The following SLC35F3 variants were observed in gnomAD, a reference collection of about 807,000 sequenced individuals.
SLC35F3 encodes solute carrier family 35 member F3, also known as putative thiamine transporter SLC35F3.
A neutral mutation model predicts 49.9 loss-of-function variants in SLC35F3; 25 were observed. The ratio of observed to expected loss-of-function variants is 0.50; its 90% CI spans 0.37 to 0.70. The LOEUF (loss-of-function observed/expected upper bound fraction) is 0.70. SLC35F3 is among the 30% of genes least tolerant of loss of function. The pLI, the probability that SLC35F3 is intolerant of heterozygous loss-of-function variation, is 0.00. For missense variants in SLC35F3, 525 were observed against 639.8 expected (o/e 0.82, Z 1.94); for synonymous variants, 275 against 265.4 (o/e 1.04, Z -0.35).
intron 2 of SLC35F3, among the ~76,000 whole-genome samples, chr1:234,070,080 G>A (rs1664689965): frequency 6.6e-6 from 1 of 152,170 alleles, no homozygotes; most frequent in African/African-American, 2.4e-5. Flanking sequence ...AACGTGCAGA[G>A]CCAAAGAAGC....
intron 2 of SLC35F3, among the ~76,000 whole-genome samples, chr1:234,065,033 T>C (rs982649675): frequency 6.6e-6 from 1 of 152,188 alleles, no homozygotes; most frequent in Non-Finnish European, 1.5e-5. Context: ...ATGACTATGA[T>C]AAGAGAAAGA....
intron 2 of SLC35F3, among the ~76,000 whole-genome samples, chr1:233,979,708 G>A (rs79239892): frequency 0.03 from 4,585 of 152,246 alleles, 218 homozygotes; most frequent in African/African-American, 0.1. Context: ...CTTGCTCCTG[G>A]GGTTAATGCA....
At chr1:234,108,223 G>GAT (rs1300297290) in intron 2 of SLC35F3, among the ~76,000 whole-genome samples, 3 of 118,056 alleles carry the variant, frequency 2.5e-5, no homozygotes, top group Non-Finnish European at 3.3e-5. Flanking sequence ...ATATATAAAA[G>GAT]ATATATATAT....
intron 3 of SLC35F3, among the ~76,000 whole-genome samples, chr1:234,296,438 T>G (rs1668594655): frequency 6.6e-6 from 1 of 152,224 alleles, no homozygotes; most frequent in African/African-American, 2.4e-5. Flanking sequence ...AAGAGTGGTT[T>G]CTGATATGGA....
chr1:234,002,011 C>T (rs560142281), intron 2 of SLC35F3, among the ~76,000 whole-genome samples: 1 of 152,184 alleles, frequency 6.6e-6, no homozygotes, highest in Non-Finnish European at 1.5e-5. Flanking sequence ...ACTGACTCAC[C>T]CTGTAGGAGG....
chr1:233,918,277 A>C (rs1465131659), intron 2 of SLC35F3, among the ~76,000 whole-genome samples: 1 of 152,192 alleles, frequency 6.6e-6, no homozygotes, highest in Non-Finnish European at 1.5e-5. Context: ...TGAGGGAGGT[A>C]GCTTAGGCTG....
Position 234,231,529 on chromosome 1 carries a change from CAAG to C in SLC35F3, c.401_403del (p.Lys134del), listed in dbSNP as rs752105696. 1.7e-5 allele frequency: 27 copies of C among 1,613,914 alleles called. No homozygotes were observed. Among genetic ancestry groups the C allele is most frequent in the African/African-American group, 2.7e-5 (2 of 74,930 alleles). On this transcript the variant is annotated inframe_deletion, in exon 3 of 8. Coordinates refer to ENST00000366618, the MANE Select transcript of SLC35F3 (RefSeq NM_173508.4). The surrounding 1 kb of genome is among the most constrained non-coding windows in gnomAD (Gnocchi z 5.4). ...GCTGGACGTGCTCCCGGGCGCAACT[CAAG>C]AAGATCTTCTGGGGCGTGGCGGTCG...
intron 2 of SLC35F3, among the ~76,000 whole-genome samples, chr1:234,047,389 G>C (rs1216074295): frequency 6.6e-6 from 1 of 152,158 alleles, no homozygotes; most frequent in African/African-American, 2.4e-5. Context: ...TTCAGTGTGG[G>C]TGGACCCCAT....
At chr1:234,178,730 C>G (rs1280954077) in intron 2 of SLC35F3, among the ~76,000 whole-genome samples, 1 of 151,406 alleles carries the variant, frequency 6.6e-6, no homozygotes, top group Non-Finnish European at 1.5e-5. Context: ...CAGCATCCCC[C>G]ATTGGTGTGC....
At chr1:234,103,489 C>G (rs1665241984) in intron 2 of SLC35F3, among the ~76,000 whole-genome samples, 3 of 152,066 alleles carry the variant, frequency 2.0e-5, no homozygotes, top group African/African-American at 7.2e-5. Context: ...TCTGGGACAG[C>G]AAAGCATAAA....
chr1:234,069,976 C>A (rs1475892501), intron 2 of SLC35F3, among the ~76,000 whole-genome samples: 1 of 152,140 alleles, frequency 6.6e-6, no homozygotes, highest in African/African-American at 2.4e-5. Flanking sequence ...GGAGACAGCA[C>A]CACCTTGTGC....
chr1:234,108,769 ATATCTTT>A (rs1185062846), intron 2 of SLC35F3, among the ~76,000 whole-genome samples: 25 of 97,310 alleles, frequency 2.6e-4, no homozygotes, highest in African/African-American at 1.0e-3. Flanking sequence ...ATAAATATAT[ATATCTTT>A]TATATATAAA....
At chr1:234,156,666 G>A (rs967060381) in intron 2 of SLC35F3, among the ~76,000 whole-genome samples, 26 of 152,126 alleles carry the variant, frequency 1.7e-4, no homozygotes, top group African/African-American at 5.8e-4. Flanking sequence ...TCTTGTATAG[G>A]AGTGTTCAGA....
intron 2 of SLC35F3, among the ~76,000 whole-genome samples, chr1:234,052,195 G>GA (rs1474773694): frequency 1.3e-5 from 2 of 152,058 alleles, no homozygotes; most frequent in East Asian, 3.9e-4. Context: ...CTATTGATTG[G>GA]AAGTTTCAGA....
chr1:233,927,380 A>G (rs992803083), intron 2 of SLC35F3, among the ~76,000 whole-genome samples: 1 of 152,178 alleles, frequency 6.6e-6, no homozygotes, highest in African/African-American at 2.4e-5. Context: ...CATTTGTATC[A>G]TCTAATTTAC....
At chr1:234,309,597 C>T (rs1038541976) in intron 4 of SLC35F3, among the ~76,000 whole-genome samples, 1 of 152,236 alleles carries the variant, frequency 6.6e-6, no homozygotes. Context: ...CAGTCGGGGA[C>T]CCAGCCTGGG....
At chr1:234,081,505 G>T (rs1664875015) in intron 2 of SLC35F3, among the ~76,000 whole-genome samples, 1 of 152,188 alleles carries the variant, frequency 6.6e-6, no homozygotes, top group Non-Finnish European at 1.5e-5. Context: ...GGGATTGAGT[G>T]GGCAGCAGTG....
At chr1:234,143,112 T>C (rs1044645743) in intron 2 of SLC35F3, among the ~76,000 whole-genome samples, 1 of 152,082 alleles carries the variant, frequency 6.6e-6, no homozygotes, top group Non-Finnish European at 1.5e-5. Flanking sequence ...TATTAACTTA[T>C]CATCCTCATG....
chr1:234,285,620 C>A, intron 3 of SLC35F3: 1 of 239,590 alleles, frequency 4.2e-6, no homozygotes, highest in Non-Finnish European at 8.2e-6. Flanking sequence ...TTTAATGATG[C>A]AATAACAGAC....
Sources: allele counts gnomAD v4.1 joint callset (sites outside exome capture counted in the v4.1 genomes callset), GRCh38; gene constraint gnomAD v4.1.1; non-coding constraint Gnocchi (gnomAD v3.1); transcripts MANE v1.5; gene names NCBI Gene and HGNC (gene_info 2026-07-23, HGNC 2026-07-21).